Variants in CA10 observed in about 807,000 individuals in gnomAD.
CA10 encodes carbonic anhydrase 10 (inactive), also known as carbonic anhydrase-related protein 10.
Under a neutral mutation model 44.2 loss-of-function variants are expected in CA10, and 14 were observed. That is an observed-to-expected ratio of 0.32 (90% CI 0.21 to 0.50). CA10 has a LOEUF of 0.50. Ranked by LOEUF, CA10 falls within the 20% of genes least tolerant of loss-of-function variation. The pLI, the probability that CA10 is intolerant of heterozygous loss-of-function variation, is 0.99. For synonymous variants in CA10, 159 were observed against 141.6 expected, an observed-to-expected ratio of 1.12 and a Z score of -0.87; for missense variants, 350 against 409.7, an observed-to-expected ratio of 0.85 and a Z score of 1.26.
At chr17:52,140,328 T>C (rs1347224685) in intron 1 of CA10, among the ~76,000 whole-genome samples, 1 of 152,208 alleles carries the variant, frequency 6.6e-6, no homozygotes, top group Non-Finnish European at 1.5e-5. Flanking sequence ...AGATAGAAAG[T>C]AATTTGAGCT....
Position 51,631,375 on chromosome 17 carries a change from T to G in CA10, c.*209A>C. ...GCATGTGTTTGTATGTATGTGCAAG[T>G]GCTTGTGTGTGTGTTTGTGAGTATG... On this transcript the variant is annotated 3_prime_UTR_variant, in exon 9 of 9. Transcript: ENST00000451037. 1 of 634,830 alleles carries G rather than the reference T, an allele frequency of 1.6e-6. No homozygotes were observed. The highest frequency in any genetic ancestry group is 2.7e-5 in the Admixed American group (1 of 36,506). The allele number at this position is 634,830 out of a possible 1,614,324, so 39.3% of individuals were successfully genotyped here. A position where few individuals can be genotyped will look rare whatever the true frequency, so the allele number is the denominator to read the frequency against.
At chr17:51,678,096 T>G (rs1198501863) in intron 4 of CA10, among the ~76,000 whole-genome samples, 1 of 152,164 alleles carries the variant, frequency 6.6e-6, no homozygotes, top group East Asian at 1.9e-4. Context: ...ACAATGTGGA[T>G]GAACCTTGGA....
chr17:51,717,819 ATATGTGTGTG>A lies in CA10; in HGVS notation c.465+29804_465+29813del, dbSNP rs1230715678. Among the ~76,000 whole-genome samples the A allele has an allele frequency of 1.0e-3, 47 of 46,544 alleles. 7 individuals are homozygous for A. The highest frequency in any genetic ancestry group is 5.1e-3 in the African/African-American group (45 of 8,762). 30.5% of individuals were successfully genotyped at this position (46,544 alleles called of 152,430 possible). A position where few individuals can be genotyped will look rare whatever the true frequency, so the allele number is the denominator to read the frequency against. ...TATGTGTATATATATACACGTATAT[ATATGTGTGTG>A]TATATATATATATATATATATATAT... is the stretch of plus-strand genomic sequence containing the variant. On this transcript the variant is annotated intron_variant, in intron 4 of 8. Transcript: ENST00000451037.
chr17:52,100,241 G>A (rs565592012), intron 1 of CA10, among the ~76,000 whole-genome samples: 8 of 152,294 alleles, frequency 5.3e-5, no homozygotes, highest in East Asian at 1.9e-4. Flanking sequence ...GAAAAGGACC[G>A]GGATCCAGAC....
intron 3 of CA10, among the ~76,000 whole-genome samples, chr17:51,834,345 G>C (rs1908397428): frequency 6.6e-6 from 1 of 152,074 alleles, no homozygotes; most frequent in Admixed American, 6.5e-5. Flanking sequence ...AGCACTTTTT[G>C]GGATTTCATG....
chr17:52,073,421 T>C (rs925985741), intron 1 of CA10, among the ~76,000 whole-genome samples: 1 of 152,286 alleles, frequency 6.6e-6, no homozygotes, highest in Non-Finnish European at 1.5e-5. Context: ...TCTTATAGTA[T>C]AGTGAAGATA....
chr17:51,787,307 T>C (rs1174711654), intron 3 of CA10, among the ~76,000 whole-genome samples: 2 of 152,160 alleles, frequency 1.3e-5, no homozygotes, highest in African/African-American at 4.8e-5. Context: ...GCTTTTATCT[T>C]ATTACTTGTT....
At chr17:52,058,478 A>T (rs532472458) in intron 2 of CA10, among the ~76,000 whole-genome samples, 19 of 152,258 alleles carry the variant, frequency 1.2e-4, no homozygotes, top group African/African-American at 4.6e-4. Context: ...GTTGGAACAC[A>T]ATGGAGTGGG....
chr17:51,691,754 G>A (rs987495243), intron 4 of CA10, among the ~76,000 whole-genome samples: 4 of 152,182 alleles, frequency 2.6e-5, no homozygotes, highest in African/African-American at 9.7e-5. Context: ...TGCATGGTGT[G>A]AGTTAAGGGT....
chr17:52,110,587 G>A (rs965488007), intron 1 of CA10, among the ~76,000 whole-genome samples: 2 of 152,188 alleles, frequency 1.3e-5, no homozygotes, highest in Non-Finnish European at 2.9e-5. Context: ...TGAAGGAGAG[G>A]TCTCAGAAAG....
At chr17:51,881,942 T>C (rs1980394292) in intron 3 of CA10, among the ~76,000 whole-genome samples, 1 of 152,068 alleles carries the variant, frequency 6.6e-6, no homozygotes, top group South Asian at 2.1e-4. Flanking sequence ...CTTGCTCACA[T>C]GCATAAAGAC....
intron 3 of CA10, among the ~76,000 whole-genome samples, chr17:51,755,994 C>T (rs1173443676): frequency 6.6e-6 from 1 of 151,860 alleles, no homozygotes; most frequent in African/African-American, 2.4e-5. Context: ...CACCTGGGCC[C>T]TGTTCACTGG....
chr17:52,075,774 T>C lies in CA10; in HGVS notation c.62-3381A>G, dbSNP rs928684022. Among the ~76,000 whole-genome samples, 8 of 152,122 alleles carry C rather than the reference T, an allele frequency of 5.3e-5. 1 individual carries two copies. Among genetic ancestry groups the C allele is most frequent in the Admixed American group, 6.5e-5 (1 of 15,270 alleles). On this transcript the variant is annotated intron_variant, in intron 1 of 8. Coordinates refer to ENST00000451037, the MANE Select transcript of CA10 (RefSeq NM_020178.5). ...ACCTAAAGGTGCTATTTATAGTACT[T>C]ACATGTGCTAAAAGAGGATAAAATG... is the stretch of plus-strand genomic sequence containing the variant.
At chr17:51,847,597 C>T (rs1978552142) in intron 3 of CA10, among the ~76,000 whole-genome samples, 1 of 152,120 alleles carries the variant, frequency 6.6e-6, no homozygotes, top group Admixed American at 6.6e-5. Flanking sequence ...ATTGTGAGCA[C>T]CTTACAATTG....
In CA10 at chr17:52,067,474, C is replaced by A. The variant is rs181668889; in HGVS notation, c.136+4845G>T. On this transcript the variant is annotated intron_variant, in intron 2 of 8. Transcript: ENST00000451037. Reference sequence around the variant, plus strand: ...GCAGTGGGGAGCCCTCATGGAGAAACTCTGCTAGGGCAGTGTGGAAGGGAA... The same window carrying A: ...GCAGTGGGGAGCCCTCATGGAGAAAATCTGCTAGGGCAGTGTGGAAGGGAA... Among the ~76,000 whole-genome samples, 170 of 152,358 alleles carry A rather than the reference C, an allele frequency of 1.1e-3. 3 individuals are homozygous for A. Among genetic ancestry groups the A allele is most frequent in the African/African-American group, 3.9e-3 (162 of 41,590 alleles).
At chr17:51,991,401 C>A (rs1467596972) in intron 2 of CA10, among the ~76,000 whole-genome samples, 4 of 152,094 alleles carry the variant, frequency 2.6e-5, no homozygotes, top group Admixed American at 2.0e-4. Flanking sequence ...TATGCAATGA[C>A]CCCTGTATTT....
chr17:51,873,580 A>G (rs145164258), intron 3 of CA10, among the ~76,000 whole-genome samples: 45 of 152,268 alleles, frequency 3.0e-4, no homozygotes, highest in African/African-American at 1.1e-3. Flanking sequence ...AGAGAGGCCA[A>G]TTTTTTGCTT....
chr17:51,741,964 A>C (rs1904478090), intron 4 of CA10, among the ~76,000 whole-genome samples: 1 of 152,224 alleles, frequency 6.6e-6, no homozygotes, highest in South Asian at 2.1e-4. Flanking sequence ...TGCAAGCTGC[A>C]TGTGGTCGGT....
intron 4 of CA10, among the ~76,000 whole-genome samples, chr17:51,664,575 A>T (rs1914143197): frequency 6.8e-6 from 1 of 146,956 alleles, no homozygotes; most frequent in South Asian, 2.2e-4. Context: ...AAAAAAAAAT[A>T]GAATCTAATG....
Sources: gnomAD v4.1 joint callset for allele counts (sites outside exome capture counted in the v4.1 genomes callset) on GRCh38, gnomAD v4.1.1 for gene constraint, MANE v1.5 for transcripts, NCBI Gene and HGNC (gene_info 2026-07-23, HGNC 2026-07-21) for gene names.